SLC71A1: variants seen among roughly 807,000 people sequenced by gnomAD.
SLC71A1 encodes hippocampus abundant gene transcript 1.
the SLC71A1 span, among the ~76,000 whole-genome samples, chr1:100,053,358 A>G: frequency 3.3e-5 from 5 of 152,132 alleles, no homozygotes; most frequent in African/African-American, 1.2e-4. Context: ...AAGTCTGTTA[A>G]TCTTTAAACA....
the SLC71A1 span, among the ~76,000 whole-genome samples, chr1:100,052,015 G>GT: frequency 1.3e-5 from 2 of 152,284 alleles, no homozygotes; most frequent in South Asian, 4.1e-4. Context: ...AAGCTGCAGT[G>GT]TTGGTATTTG....
chr1:100,082,374 GAC>G, the SLC71A1 span: 1 of 598,884 alleles, frequency 1.7e-6, no homozygotes, highest in South Asian at 2.2e-5. Flanking sequence ...CTTAGAACCA[GAC>G]AGTTTTCCAA....
chr1:100,046,268 C>G, the SLC71A1 span, among the ~76,000 whole-genome samples: 1 of 122,784 alleles, frequency 8.1e-6, no homozygotes, highest in Admixed American at 1.0e-4. Flanking sequence ...GCTCTGTCGC[C>G]TAGGCTGGAG....
chr1:100,065,571 C>T, the SLC71A1 span, among the ~76,000 whole-genome samples: 1 of 137,506 alleles, frequency 7.3e-6, no homozygotes, highest in Admixed American at 8.0e-5. Flanking sequence ...CTTTCCTTTT[C>T]TCTTTTCCCT....
chr1:100,076,864 ATTAG>A, the SLC71A1 span, among the ~76,000 whole-genome samples: 6 of 152,346 alleles, frequency 3.9e-5, no homozygotes, highest in Non-Finnish European at 7.3e-5. Flanking sequence ...TCTCCAAATC[ATTAG>A]TTAGAACTTT....
chr1:100,049,737 G>C, the SLC71A1 span, among the ~76,000 whole-genome samples: 1 of 152,140 alleles, frequency 6.6e-6, no homozygotes, highest in Non-Finnish European at 1.5e-5. Context: ...TTGTTGCCTT[G>C]TCTGTCCCTC....
At chr1:100,038,778 C>T in the SLC71A1 span, among the ~76,000 whole-genome samples, 23 of 152,230 alleles carry the variant, frequency 1.5e-4, no homozygotes, top group Admixed American at 6.5e-5. Flanking sequence ...TGGCGTCTGG[C>T]GCGGGGATCC....
chr1:100,045,546 A>G, the SLC71A1 span, among the ~76,000 whole-genome samples: 1 of 152,132 alleles, frequency 6.6e-6, no homozygotes, highest in Non-Finnish European at 1.5e-5. Flanking sequence ...TACTATGGGT[A>G]CAAAGTAGAT....
chr1:100,046,218 T>TTTTG, the SLC71A1 span, among the ~76,000 whole-genome samples: 3 of 76,446 alleles, frequency 3.9e-5, no homozygotes, highest in Non-Finnish European at 4.8e-5. Context: ...CCTCGTTTTT[T>TTTTG]TTTTTTTTTT....
chr1:100,059,060 C>T, the SLC71A1 span, among the ~76,000 whole-genome samples: 1 of 149,628 alleles, frequency 6.7e-6, no homozygotes, highest in South Asian at 2.1e-4. Flanking sequence ...AAAAACTATA[C>T]TAAAAAACCC....
At chr1:100,080,550 C>T in the SLC71A1 span, 9 of 1,613,854 alleles carry the variant, frequency 5.6e-6, no homozygotes, top group East Asian at 2.2e-5. Flanking sequence ...GGTCTGGGAC[C>T]GGCCCTCTAT....
chr1:100,057,020 ATTCTT>A, the SLC71A1 span, among the ~76,000 whole-genome samples: 2 of 152,156 alleles, frequency 1.3e-5, no homozygotes, highest in Non-Finnish European at 2.9e-5. Context: ...AGATTATGAG[ATTCTT>A]TTCTTACAGA....
chr1:100,064,880 T>C, the SLC71A1 span, among the ~76,000 whole-genome samples: 1 of 152,062 alleles, frequency 6.6e-6, no homozygotes, highest in African/African-American at 2.4e-5. Flanking sequence ...TGATCCACCA[T>C]GCCCAGCTAA....
the SLC71A1 span, among the ~76,000 whole-genome samples, chr1:100,074,579 C>CG: frequency 3.3e-5 from 5 of 150,058 alleles, no homozygotes; most frequent in African/African-American, 1.2e-4. Flanking sequence ...AACTCCATCT[C>CG]GGGGGGAAAA....
the SLC71A1 span, chr1:100,058,734 A>G: frequency 6.5e-7 from 1 of 1,533,886 alleles, no homozygotes; most frequent in South Asian, 1.1e-5. Flanking sequence ...TAAAGGTAGG[A>G]TCAGTCATAC....
chr1:100,040,898 A>C, the SLC71A1 span, among the ~76,000 whole-genome samples: 2 of 152,176 alleles, frequency 1.3e-5, no homozygotes, highest in African/African-American at 2.4e-5. Flanking sequence ...AAGTTCCGCC[A>C]ATGGGTAGAT....
chr1:100,081,498 G>A, the SLC71A1 span, among the ~76,000 whole-genome samples: 1,660 of 152,070 alleles, frequency 0.011, 15 homozygotes, highest in Non-Finnish European at 0.017. Flanking sequence ...TCAGCCTCCC[G>A]GGTAGCTGGG....
At chr1:100,050,744 C>T in the SLC71A1 span, among the ~76,000 whole-genome samples, 1 of 152,024 alleles carries the variant, frequency 6.6e-6, no homozygotes, top group East Asian at 1.9e-4. Context: ...ATTTACAGTA[C>T]ATATTTCTTG....
the SLC71A1 span, among the ~76,000 whole-genome samples, chr1:100,038,744 C>T: frequency 2.0e-5 from 3 of 152,244 alleles, no homozygotes; most frequent in Admixed American, 6.5e-5. Flanking sequence ...ACCATCCCTG[C>T]TCTCCCATAT....
Sources: allele counts gnomAD v4.1 joint callset (sites outside exome capture counted in the v4.1 genomes callset), GRCh38; gene constraint gnomAD v4.1.1; transcripts MANE v1.5; gene names NCBI Gene and HGNC (gene_info 2026-07-23, HGNC 2026-07-21).